The following DNAJC5 variants were observed in gnomAD, a reference collection of about 807,000 sequenced individuals.
The protein encoded by DNAJC5 is dnaJ homolog subfamily C member 5.
Under a neutral mutation model 23.2 loss-of-function variants are expected in DNAJC5, and 1 was observed. That is an observed-to-expected ratio of 0.04 (90% CI 0.02 to 0.20). DNAJC5 has a LOEUF of 0.20. Among genes scored for constraint, DNAJC5 ranks in the 10% least tolerant of loss-of-function variants. The probability of loss-of-function intolerance (pLI) is 1.00; values close to 1 mark genes in which losing one functional copy is unlikely to be tolerated. For missense variants in DNAJC5, 180 were observed against 267.0 expected, an observed-to-expected ratio of 0.67 and a Z score of 2.27; for synonymous variants, 136 against 120.0, an observed-to-expected ratio of 1.13 and a Z score of -0.87.
intron 1 of DNAJC5, among the ~76,000 whole-genome samples, chr20:63,909,304 C>G (rs1027927329): frequency 1.3e-5 from 2 of 151,504 alleles, no homozygotes; most frequent in Non-Finnish European, 2.9e-5. Context: ...TCGATACATC[C>G]TGGCTAACAC....
intron 1 of DNAJC5, among the ~76,000 whole-genome samples, chr20:63,899,880 CTTT>C (rs1206952926): frequency 1.4e-4 from 16 of 114,782 alleles, no homozygotes; most frequent in Admixed American, 3.6e-4. Flanking sequence ...TGCGCCTGGG[CTTT>C]TTTTTTTTTT....
Position 63,928,322 on chromosome 20 carries a change from T to A in DNAJC5, c.-11-13T>A. The A allele has an allele frequency of 6.2e-7, 1 of 1,603,298 alleles. No individual in the cohort carries two copies. The highest frequency in any genetic ancestry group is 1.1e-5 in the South Asian group (1 of 90,886). ...TATACTTTGTGATACTTTCTTTTTATTTTTTCTTCTAGAATAGCCTAACAT... is the reference window on the plus strand; with the variant it reads ...TATACTTTGTGATACTTTCTTTTTAATTTTTCTTCTAGAATAGCCTAACAT... On this transcript the variant is annotated splice_polypyrimidine_tract_variant and intron_variant, in intron 1 of 4. Coordinates refer to ENST00000360864, the MANE Select transcript of DNAJC5 (RefSeq NM_025219.3). This position sits in a 1 kb window ranked among gnomAD's most constrained non-coding sequence, Gnocchi z 4.6.
chr20:63,908,601 G>T (rs1023171157), intron 1 of DNAJC5, among the ~76,000 whole-genome samples: 1 of 152,194 alleles, frequency 6.6e-6, no homozygotes, highest in Non-Finnish European at 1.5e-5. Flanking sequence ...TTATGAATTT[G>T]TGTTATGTGA....
intron 1 of DNAJC5, among the ~76,000 whole-genome samples, chr20:63,921,683 C>T (rs534480816): frequency 6.6e-5 from 10 of 152,152 alleles, no homozygotes; most frequent in Non-Finnish European, 1.2e-4. Context: ...TCGTCACTTG[C>T]AGCAGGTTGC....
At chr20:63,909,912 T>G (rs2053471932) in intron 1 of DNAJC5, among the ~76,000 whole-genome samples, 2 of 152,218 alleles carry the variant, frequency 1.3e-5, no homozygotes, top group Non-Finnish European at 2.9e-5. Context: ...GCAAGCAGCA[T>G]GACCTCGTGG....
In DNAJC5 at chr20:63,931,209, C is replaced by T. The variant is rs949458220; in HGVS notation, c.493+187C>T. 24 of 805,450 alleles carry T rather than the reference C, an allele frequency of 3.0e-5. No homozygotes were observed. The highest frequency in any genetic ancestry group is 2.2e-4 in the Middle Eastern group (1 of 4,590). The allele number at this position is 805,450 out of a possible 1,614,324, so 49.9% of individuals were successfully genotyped here. A position where few individuals can be genotyped will look rare whatever the true frequency, so the allele number is the denominator to read the frequency against. On this transcript the variant is annotated intron_variant, in intron 4 of 4. Coordinates refer to ENST00000360864, the MANE Select transcript of DNAJC5 (RefSeq NM_025219.3). This position sits in a 1 kb window ranked among gnomAD's most constrained non-coding sequence, Gnocchi z 9.6. ...TAAAGCAGGCGCATAGAGCTGTCCC[C>T]GCCGTGACCTGCGGTAGCCGTAGAT...
intron 1 of DNAJC5, among the ~76,000 whole-genome samples, chr20:63,912,113 G>GC (rs1348845050): frequency 1.3e-5 from 2 of 152,072 alleles, no homozygotes; most frequent in African/African-American, 4.8e-5. Context: ...GTCCAACCTG[G>GC]CCAATATAGC....
chr20:63,912,626 A>G (rs1600867163), intron 1 of DNAJC5, among the ~76,000 whole-genome samples: 1 of 152,034 alleles, frequency 6.6e-6, no homozygotes, highest in Non-Finnish European at 1.5e-5. Context: ...TTTGAGACGG[A>G]GTCTCGCTCT....
rs1291809439 is a variant in DNAJC5 at position 63,920,857 on chromosome 20, A to G, written c.-11-7478A>G. On this transcript the variant is annotated intron_variant, in intron 1 of 4. Transcript: ENST00000360864. This position sits in a 1 kb window ranked among gnomAD's most constrained non-coding sequence, Gnocchi z 4.6. ...CACACCCAGTTAATTTTGTATTTTT[A>G]GTAGAGACAGGTTTTCTCCATGTTG... Among the ~76,000 whole-genome samples the G allele has an allele frequency of 6.6e-6, 1 of 151,922 alleles. No individual in the cohort carries two copies. Among genetic ancestry groups the G allele is most frequent in the African/African-American group, 2.4e-5 (1 of 41,358 alleles).
intron 1 of DNAJC5, among the ~76,000 whole-genome samples, chr20:63,908,385 AT>A (rs980506504): frequency 2.6e-5 from 4 of 152,164 alleles, no homozygotes; most frequent in African/African-American, 9.7e-5. Flanking sequence ...CATCTGTAGC[AT>A]TTTATGAACT....
At chr20:63,914,790 A>G (rs189377211) in intron 1 of DNAJC5, among the ~76,000 whole-genome samples, 1 of 151,404 alleles carries the variant, frequency 6.6e-6, no homozygotes, top group African/African-American at 2.4e-5. Context: ...TAATTTCTGT[A>G]TTTTTAGCAG....
chr20:63,927,910 A>G (rs1420962782), intron 1 of DNAJC5, among the ~76,000 whole-genome samples: 1 of 152,204 alleles, frequency 6.6e-6, no homozygotes, highest in African/African-American at 2.4e-5. Flanking sequence ...TGTAAGGATT[A>G]CAATATGCAT....
intron 1 of DNAJC5, among the ~76,000 whole-genome samples, chr20:63,921,820 C>T (rs2053575643): frequency 6.6e-6 from 1 of 151,934 alleles, no homozygotes; most frequent in African/African-American, 2.4e-5. Context: ...ACTCTGTCAC[C>T]CAGGCTGACG....
At position 63,931,749 on chromosome 20, in the gene DNAJC5, G is replaced by A; in HGVS notation, c.*181G>A. 1 of 674,200 alleles carries A rather than the reference G, an allele frequency of 1.5e-6. No homozygotes were observed. The highest frequency in any genetic ancestry group is 1.6e-5 in the South Asian group (1 of 63,226). 41.8% of individuals were successfully genotyped at this position (674,200 alleles called of 1,614,324 possible). On this transcript the variant is annotated 3_prime_UTR_variant, in exon 5 of 5. Coordinates refer to ENST00000360864, the MANE Select transcript of DNAJC5 (RefSeq NM_025219.3). This position sits in a 1 kb window ranked among gnomAD's most constrained non-coding sequence, Gnocchi z 9.6. ...TGACCCACGAAGTGCGTAGCATGCAGTATTTAAAGCAGTGTAGCTACGGTC... is the reference window on the plus strand; with the variant it reads ...TGACCCACGAAGTGCGTAGCATGCAATATTTAAAGCAGTGTAGCTACGGTC...
intron 1 of DNAJC5, among the ~76,000 whole-genome samples, chr20:63,914,338 G>A (rs561302058): frequency 1.0e-3 from 157 of 152,208 alleles, no homozygotes; most frequent in African/African-American, 3.4e-3. Flanking sequence ...TTTTTGAGAC[G>A]GAGTCTTGCT....
rs1235351611 is a variant in DNAJC5 at position 63,932,137 on chromosome 20, T to C, written c.*569T>C. 3 of 182,688 alleles carry C rather than the reference T, an allele frequency of 1.6e-5. No homozygotes were observed. The East Asian group carries it at 4.0e-4, about 25-fold the overall frequency. The allele number at this position is 182,688 out of a possible 1,614,324, so 11.3% of individuals were successfully genotyped here. A position where few individuals can be genotyped will look rare whatever the true frequency, so the allele number is the denominator to read the frequency against. Reference sequence around the variant, plus strand: ...CCTCCTGGCGTCACCGGCGTCACTGTCATTCCTTGGTGTCTGTGCTGGGCA... The same window carrying C: ...CCTCCTGGCGTCACCGGCGTCACTGCCATTCCTTGGTGTCTGTGCTGGGCA... On this transcript the variant is annotated 3_prime_UTR_variant, in exon 5 of 5. Coordinates refer to ENST00000360864, the MANE Select transcript of DNAJC5 (RefSeq NM_025219.3). This position sits in a 1 kb window ranked among gnomAD's most constrained non-coding sequence, Gnocchi z 4.4.
At chr20:63,923,953 T>C (rs1312308898) in intron 1 of DNAJC5, among the ~76,000 whole-genome samples, 4 of 152,220 alleles carry the variant, frequency 2.6e-5, no homozygotes, top group African/African-American at 9.7e-5. Flanking sequence ...ACTTGTGAAT[T>C]GTTTTTTATA....
intron 1 of DNAJC5, among the ~76,000 whole-genome samples, chr20:63,908,142 C>T (rs191425284): frequency 4.6e-5 from 7 of 152,324 alleles, no homozygotes; most frequent in Non-Finnish European, 7.4e-5. Flanking sequence ...ATACTAGACT[C>T]ACTGGAATGA....
intron 1 of DNAJC5, among the ~76,000 whole-genome samples, chr20:63,915,752 G>A (rs2053511885): frequency 6.6e-6 from 1 of 152,212 alleles, no homozygotes; most frequent in Non-Finnish European, 1.5e-5. Flanking sequence ...CCATTCTTGG[G>A]CACCCAGAAG....
Sources: gnomAD v4.1 joint callset for allele counts (sites outside exome capture counted in the v4.1 genomes callset) on GRCh38, gnomAD v4.1.1 for gene constraint, Gnocchi (gnomAD v3.1) non-coding constraint, MANE v1.5 for transcripts, NCBI Gene and HGNC (gene_info 2026-07-23, HGNC 2026-07-21) for gene names.